Variants in MAP4K5 observed in about 807,000 individuals in gnomAD.
The protein encoded by MAP4K5 is MAPK/ERK kinase kinase kinase 5.
Under a neutral mutation model 135.6 loss-of-function variants are expected in MAP4K5, and 82 were observed. The observed-to-expected ratio is 0.60, with a 90% CI of 0.51 to 0.73. MAP4K5 has a LOEUF of 0.73. Among genes scored for constraint, MAP4K5 ranks in the 30% least tolerant of loss-of-function variants. The pLI is 0.00. For missense variants in MAP4K5, 907 were observed against 1,010.9 expected, an observed-to-expected ratio of 0.90 and a Z score of 1.39; for synonymous variants, 347 against 335.0, an observed-to-expected ratio of 1.04 and a Z score of -0.39.
chr14:50,430,000 CT>C (rs930309130), intron 28 of MAP4K5, among the ~76,000 whole-genome samples: 72 of 147,384 alleles, frequency 4.9e-4, no homozygotes, highest in African/African-American at 1.1e-3. Flanking sequence ...TAGAGCAGTC[CT>C]TTTTTTTTTA....
intron 2 of MAP4K5, among the ~76,000 whole-genome samples, chr14:50,526,130 G>A (rs1026861273): frequency 6.6e-6 from 1 of 151,974 alleles, no homozygotes; most frequent in Non-Finnish European, 1.5e-5. Flanking sequence ...AGAAACCACT[G>A]GTCTTCTTTT....
chr14:50,490,406 T>C (rs1228414178), intron 3 of MAP4K5, among the ~76,000 whole-genome samples: 3 of 152,200 alleles, frequency 2.0e-5, no homozygotes, highest in Non-Finnish European at 2.9e-5. Flanking sequence ...CTAAATGATG[T>C]TAACATTGGG....
At chr14:50,474,131 A>G (rs557614941) in intron 9 of MAP4K5, among the ~76,000 whole-genome samples, 1 of 152,276 alleles carries the variant, frequency 6.6e-6, no homozygotes, top group South Asian at 2.1e-4. Flanking sequence ...GGCTAAGCAC[A>G]GTGGCTCAAG....
chr14:50,431,685 C>T (rs1416310400), intron 28 of MAP4K5, among the ~76,000 whole-genome samples: 1 of 151,624 alleles, frequency 6.6e-6, no homozygotes, highest in Non-Finnish European at 1.5e-5. Flanking sequence ...CAAGTCTTTG[C>T]TATTGTGAAT....
intron 30 of MAP4K5, among the ~76,000 whole-genome samples, chr14:50,427,192 T>TA (rs1300149571): frequency 6.6e-6 from 1 of 152,162 alleles, no homozygotes; most frequent in Admixed American, 6.5e-5. Flanking sequence ...CAATTAAAAT[T>TA]ACGAAGATAA....
intron 28 of MAP4K5, among the ~76,000 whole-genome samples, chr14:50,432,759 G>A (rs972514042): frequency 1.3e-5 from 2 of 151,800 alleles, no homozygotes; most frequent in African/African-American, 4.8e-5. Flanking sequence ...AAAAAAAGTT[G>A]GGCTGTCAGC....
chr14:50,538,562 G>A (rs770936746), intron 2 of MAP4K5, among the ~76,000 whole-genome samples: 11 of 152,158 alleles, frequency 7.2e-5, no homozygotes, highest in East Asian at 1.9e-4. Flanking sequence ...GTTTCCTCAC[G>A]CAATAACAGG....
intron 26 of MAP4K5, 71 bp downstream of exon 26, chr14:50,437,405 A>G: frequency 8.3e-7 from 1 of 1,202,314 alleles, no homozygotes; most frequent in Non-Finnish European, 1.2e-6. Context: ...TTGATTCCAT[A>G]CGACTCTTCA....
intron 1 of MAP4K5, among the ~76,000 whole-genome samples, chr14:50,558,773 C>G (rs1028679639): frequency 4.6e-5 from 7 of 152,158 alleles, no homozygotes; most frequent in Non-Finnish European, 1.0e-4. Context: ...CCACACTTCT[C>G]TTTTGTTCTA....
intron 25 of MAP4K5, 145 bp from the exon 26 acceptor site, chr14:50,437,679 T>C (rs975392000): frequency 3.0e-6 from 2 of 663,036 alleles, no homozygotes; most frequent in Non-Finnish European, 5.2e-6. Flanking sequence ...CTTATAGGAC[T>C]GAGGAAGGGC....
chr14:50,440,096 G>T (rs756765793), intron 22 of MAP4K5, 23 bp from the exon 23 acceptor site: 10 of 1,311,318 alleles, frequency 7.6e-6, no homozygotes, highest in Non-Finnish European at 9.6e-6. Context: ...AGATAATTAA[G>T]ATTCTCTCAT....
At chr14:50,422,950 T>C (rs2035766027) in intron 32 of MAP4K5, among the ~76,000 whole-genome samples, 171 bp downstream of exon 32, 1 of 152,212 alleles carries the variant, frequency 6.6e-6, no homozygotes, top group Non-Finnish European at 1.5e-5. Flanking sequence ...AAAGGTTGCT[T>C]AGTTAACTTA....
chr14:50,527,035 C>T (rs759282955), intron 2 of MAP4K5, among the ~76,000 whole-genome samples: 4 of 152,132 alleles, frequency 2.6e-5, no homozygotes, highest in South Asian at 2.1e-4. Context: ...GCTCATTCAA[C>T]GGATCCTTTA....
At chr14:50,518,650 T>C (rs2038084283) in intron 2 of MAP4K5, among the ~76,000 whole-genome samples, 1 of 152,194 alleles carries the variant, frequency 6.6e-6, no homozygotes, top group African/African-American at 2.4e-5. Context: ...AGCCTTCCCT[T>C]AGAATGACCC....
intron 18 of MAP4K5, among the ~76,000 whole-genome samples, chr14:50,444,735 C>T (rs2036304273): frequency 6.6e-6 from 1 of 152,098 alleles, no homozygotes; most frequent in African/African-American, 2.4e-5. Context: ...TGTGGGTATA[C>T]CTTCTGCTGT....
intron 28 of MAP4K5, among the ~76,000 whole-genome samples, chr14:50,429,783 G>A (rs2035929232): frequency 1.3e-5 from 2 of 152,154 alleles, no homozygotes; most frequent in African/African-American, 4.8e-5. Context: ...TTTACAAAGA[G>A]GACACTGAGT....
chr14:50,473,766 C>A (rs2037028180), intron 9 of MAP4K5, among the ~76,000 whole-genome samples: 1 of 147,020 alleles, frequency 6.8e-6, no homozygotes, highest in Non-Finnish European at 1.5e-5. Context: ...CTCTGTCGCC[C>A]AGGCTGGAGT....
At position 50,541,515 on chromosome 14, in the gene MAP4K5, G is replaced by C. The variant is rs75932976; in HGVS notation, c.-94+984C>G. Among the ~76,000 whole-genome samples the C allele has an allele frequency of 2.8e-3, 427 of 152,288 alleles. 2 individuals are homozygous for C. Among genetic ancestry groups the C allele is most frequent in the Non-Finnish European group, 4.2e-3 (285 of 68,028 alleles). Reference sequence around the variant, plus strand: ...TATTTTGAGACAATGTACTGCATTTGCTACTCTTTGACCCATGTAACCTGT... The same window carrying C: ...TATTTTGAGACAATGTACTGCATTTCCTACTCTTTGACCCATGTAACCTGT... On this transcript the variant is annotated intron_variant, in intron 2 of 8. Coordinates refer to the MAP4K5 transcript ENST00000555216.
chr14:50,480,553 T>A (rs1354463171), intron 6 of MAP4K5, among the ~76,000 whole-genome samples: 1 of 152,134 alleles, frequency 6.6e-6, no homozygotes, highest in African/African-American at 2.4e-5. Context: ...TAAGAACATG[T>A]GATGTTTGTC....
Sources: allele counts gnomAD v4.1 joint callset (sites outside exome capture counted in the v4.1 genomes callset), GRCh38; gene constraint gnomAD v4.1.1; transcripts MANE v1.5; gene names NCBI Gene and HGNC (gene_info 2026-07-23, HGNC 2026-07-21).